CACNA1C: variants seen among roughly 807,000 people sequenced by gnomAD.
CACNA1C encodes calcium voltage-gated channel subunit alpha1 C.
A neutral mutation model predicts 229.0 loss-of-function variants in CACNA1C; 30 were observed. That is an observed-to-expected ratio of 0.13 (90% CI 0.10 to 0.18). CACNA1C has a LOEUF of 0.18. Among genes scored for constraint, CACNA1C ranks in the 10% least tolerant of loss-of-function variants. The pLI is 1.00. For missense variants in CACNA1C, 1,658 were observed against 2,845.0 expected, an observed-to-expected ratio of 0.58 and a Z score of 9.49; for synonymous variants, 1,114 against 1,132.5, an observed-to-expected ratio of 0.98 and a Z score of 0.33.
At chr12:2,183,391 C>T (rs960575167) in intron 3 of CACNA1C, among the ~76,000 whole-genome samples, 1 of 152,180 alleles carries the variant, frequency 6.6e-6, no homozygotes, top group Admixed American at 6.5e-5. Context: ...TGGTAAGCAC[C>T]GGGAATGGTC....
Position 2,053,650 on chromosome 12 carries a change from CT to C in CACNA1C, c.49+43del. The C allele has an allele frequency of 6.6e-7, 1 of 1,518,372 alleles. No homozygotes were observed. The highest frequency in any genetic ancestry group is 8.9e-7 in the Non-Finnish European group (1 of 1,128,476). 94.1% of individuals were successfully genotyped at this position (1,518,372 alleles called of 1,614,324 possible). The stretch of plus-strand genomic sequence containing the variant: ...CCGCCGCCTCGCCGGGGCTCCCTGC[CT>C]TTTCCACCGGGTTCCTGCCCTACCC... On this transcript the variant is annotated intron_variant, in intron 1 of 46. Coordinates refer to ENST00000399655, the MANE Select transcript of CACNA1C (RefSeq NM_000719.7). This position sits in a 1 kb window ranked among gnomAD's most constrained non-coding sequence, Gnocchi z 5.8.
At chr12:2,388,337 T>G (rs1185493564) in intron 3 of CACNA1C, among the ~76,000 whole-genome samples, 2 of 152,222 alleles carry the variant, frequency 1.3e-5, no homozygotes, top group African/African-American at 4.8e-5. Flanking sequence ...AAGACTATGG[T>G]GACTATGAGG....
chr12:2,524,605 G>C (rs1342397422), intron 9 of CACNA1C, among the ~76,000 whole-genome samples: 1 of 152,222 alleles, frequency 6.6e-6, no homozygotes, highest in Non-Finnish European at 1.5e-5. Flanking sequence ...TGGGAGGGAG[G>C]AGAGTTCCAC....
intron 3 of CACNA1C, among the ~76,000 whole-genome samples, chr12:2,126,340 T>C (rs1255134707): frequency 5.9e-5 from 9 of 152,176 alleles, no homozygotes; most frequent in Admixed American, 5.9e-4. Flanking sequence ...GCACATCGTT[T>C]ATAATATAGC....
At position 2,697,443 on chromosome 12, in the gene CACNA1C, T is replaced by G. The variant is rs1350550162; in HGVS notation, c.*6244T>G. On this transcript the variant is annotated 3_prime_UTR_variant, in exon 47 of 47. Coordinates refer to ENST00000399655, the MANE Select transcript of CACNA1C (RefSeq NM_000719.7). ...ACTCTCATAATATTGCTGTTTTATT[T>G]TAATCCACCAGAGCTACCATGCAAA... 6.6e-6 allele frequency: 1 copy of G among 152,184 alleles called. No homozygotes were observed. Among genetic ancestry groups the G allele is most frequent in the Non-Finnish European group, 1.5e-5 (1 of 68,032 alleles). The allele number at this position is 152,184 out of a possible 1,614,324, so 9.4% of individuals were successfully genotyped here.
At chr12:2,539,859 C>T (rs1430148673) in intron 9 of CACNA1C, among the ~76,000 whole-genome samples, 3 of 118,190 alleles carry the variant, frequency 2.5e-5, no homozygotes, top group Non-Finnish European at 5.3e-5. Flanking sequence ...GGTTTAAGGA[C>T]TTAAGGAGGG....
At position 2,644,362 on chromosome 12, in the gene CACNA1C, C is replaced by T. The variant is rs114351590; in HGVS notation, c.3913-4113C>T. Among the ~76,000 whole-genome samples the T allele has an allele frequency of 5.8e-3, 877 of 152,264 alleles. 9 individuals are homozygous for T. Among genetic ancestry groups the T allele is most frequent in the African/African-American group, 0.02 (828 of 41,550 alleles). On this transcript the variant is annotated intron_variant, in intron 30 of 46. Transcript: ENST00000399655. ...TCACAATGCTCTCTGGCCACCTGAC[C>T]GCAGGAGAGTATTGTGGAGGACAAC...
intron 9 of CACNA1C, among the ~76,000 whole-genome samples, chr12:2,549,226 G>C (rs1272909631): frequency 6.6e-6 from 1 of 152,160 alleles, no homozygotes; most frequent in Non-Finnish European, 1.5e-5. Context: ...GGAATGTCAG[G>C]GTGGCTGAAA....
chr12:2,457,821 T>G (rs1171182351), intron 5 of CACNA1C, 115 bp downstream of exon 5: 58 of 942,962 alleles, frequency 6.2e-5, no homozygotes, highest in Non-Finnish European at 7.9e-5. Context: ...AATGGAGGGG[T>G]TTTTGTTTTT....
intron 1 of CACNA1C, among the ~76,000 whole-genome samples, chr12:2,113,369 G>A (rs1032652241): frequency 4.6e-5 from 7 of 152,212 alleles, no homozygotes; most frequent in African/African-American, 1.7e-4. Flanking sequence ...TTATCTTGGA[G>A]GTCAAACATA....
At chr12:2,057,987 G>A (rs924922030) in intron 1 of CACNA1C, among the ~76,000 whole-genome samples, 1 of 152,204 alleles carries the variant, frequency 6.6e-6, no homozygotes, top group Non-Finnish European at 1.5e-5. Context: ...GTTGATTTCC[G>A]TTTATGAGTC....
At chr12:2,345,266 T>C (rs2096978819) in intron 3 of CACNA1C, among the ~76,000 whole-genome samples, 1 of 151,944 alleles carries the variant, frequency 6.6e-6, no homozygotes, top group Non-Finnish European at 1.5e-5. Flanking sequence ...GGAAGGATGC[T>C]GTGGCATAGA....
At chr12:2,120,655 T>G (rs2086179918) in intron 3 of CACNA1C, among the ~76,000 whole-genome samples, 1 of 130,956 alleles carries the variant, frequency 7.6e-6, no homozygotes, top group Non-Finnish European at 1.6e-5. Context: ...GGTGGTGAGC[T>G]CTGTGTGTGT....
chr12:1,980,011 T>TA (rs2035639189), intron 1 of CACNA1C, among the ~76,000 whole-genome samples: 1 of 152,148 alleles, frequency 6.6e-6, no homozygotes, highest in African/African-American at 2.4e-5. Flanking sequence ...TGGGAAGTCT[T>TA]AGACATTATT....
chr12:2,251,151 T>C (rs1425940550), intron 3 of CACNA1C, among the ~76,000 whole-genome samples: 1 of 152,016 alleles, frequency 6.6e-6, no homozygotes, highest in Non-Finnish European at 1.5e-5. Flanking sequence ...ATCTGGGGAG[T>C]GGAGAATCGT....
At chr12:2,431,430 A>G (rs2099083689) in intron 3 of CACNA1C, among the ~76,000 whole-genome samples, 1 of 152,152 alleles carries the variant, frequency 6.6e-6, no homozygotes, top group South Asian at 2.1e-4. Flanking sequence ...GGCTTCCAAG[A>G]TGATGCTCTT....
At chr12:2,338,310 A>G (rs866394950) in intron 3 of CACNA1C, among the ~76,000 whole-genome samples, 9 of 152,218 alleles carry the variant, frequency 5.9e-5, no homozygotes, top group South Asian at 2.1e-4. Context: ...GTATAGGCAT[A>G]ATAGCATCCC....
chr12:2,475,698 G>A lies in CACNA1C; in HGVS notation c.758-10406G>A, dbSNP rs561210041. On this transcript the variant is annotated intron_variant, in intron 5 of 46. Coordinates refer to ENST00000399655, the MANE Select transcript of CACNA1C (RefSeq NM_000719.7). ...TCAAACACAGAAACTGAAAAGAATT[G>A]GGAATGCAGAGAAGAGTACAGAATA... Among the ~76,000 whole-genome samples the A allele has an allele frequency of 2.0e-5, 3 of 152,308 alleles. No homozygotes were observed. In the South Asian group the frequency reaches 6.2e-4, roughly 32 times the overall value.
At chr12:2,429,650 T>C (rs1321851461) in intron 3 of CACNA1C, among the ~76,000 whole-genome samples, 1 of 152,230 alleles carries the variant, frequency 6.6e-6, no homozygotes, top group Non-Finnish European at 1.5e-5. Flanking sequence ...TGGTGGATGG[T>C]ACCATGCTTC....
Sources: allele counts gnomAD v4.1 joint callset (sites outside exome capture counted in the v4.1 genomes callset), GRCh38; gene constraint gnomAD v4.1.1; non-coding constraint Gnocchi (gnomAD v3.1); transcripts MANE v1.5; gene names NCBI Gene and HGNC (gene_info 2026-07-23, HGNC 2026-07-21).